The following GDPD1 variants were observed in gnomAD, a reference collection of about 807,000 sequenced individuals.
The protein encoded by GDPD1 is glycerophosphodiester phosphodiesterase domain containing 1.
Under a neutral mutation model 45.1 loss-of-function variants are expected in GDPD1, and 28 were observed. The ratio of observed to expected loss-of-function variants is 0.62; its 90% CI spans 0.46 to 0.85. The LOEUF is 0.85. Among genes scored for constraint, GDPD1 ranks in the 40% least tolerant of loss-of-function variants. The pLI is 0.00. For missense variants in GDPD1, 256 were observed against 364.8 expected (o/e 0.70, Z 2.43); for synonymous variants, 139 against 131.4 (o/e 1.06, Z -0.40).
chr17:59,273,521 G>T (rs1323119238), intron 9 of GDPD1, 130 bp from the exon 10 acceptor site: 3 of 460,362 alleles, frequency 6.5e-6, no homozygotes, highest in African/African-American at 2.0e-5. Context: ...AGGATCTAAT[G>T]ATTTATTTAA....
At chr17:59,222,578 C>A (rs1285679910) in intron 1 of GDPD1, among the ~76,000 whole-genome samples, 1 of 126,344 alleles carries the variant, frequency 7.9e-6, no homozygotes, top group Non-Finnish European at 1.6e-5. Flanking sequence ...GTAGTGGTGC[C>A]ATCTTGGCTC....
Position 59,269,767 on chromosome 17 carries a change from G to C in GDPD1, c.711-1169G>C, listed in dbSNP as rs866772302. Among the ~76,000 whole-genome samples the C allele has an allele frequency of 2.0e-4, 30 of 152,182 alleles. No individual in the cohort carries two copies. The Middle Eastern group carries it at 0.01, about 52-fold the overall frequency. On this transcript the variant is annotated intron_variant, in intron 7 of 9. Transcript: ENST00000284116. ...GAACCCAGAAGGTGGGGGTTGCAGT[G>C]AGCCGAGATAGCGCCATTGCACTCC...
chr17:59,260,395 A>C (rs1455875340), intron 6 of GDPD1, among the ~76,000 whole-genome samples: 4 of 151,840 alleles, frequency 2.6e-5, no homozygotes, highest in African/African-American at 4.8e-5. Context: ...TACAAAAATT[A>C]GCCGGGCATG....
rs995271111 is a variant in GDPD1, at chr17:59,275,165, T to C, written c.*1392T>C. ...CCAGTAAAAGAAATTTTGAAGGCCA[T>C]TGCAGCTATTTGGTAGTGTCTTGTT... On this transcript the variant is annotated 3_prime_UTR_variant, in exon 10 of 10. Transcript: ENST00000284116. 3 of 1,537,196 alleles carry C rather than the reference T, an allele frequency of 2.0e-6. No individual in the cohort carries two copies. Among genetic ancestry groups the C allele is most frequent in the Non-Finnish European group, 1.7e-6 (2 of 1,146,846 alleles).
At position 59,275,274 on chromosome 17, in the gene GDPD1, T is replaced by C. The variant is rs765556470; in HGVS notation, c.*1501T>C. On this transcript the variant is annotated 3_prime_UTR_variant, in exon 10 of 10. Coordinates refer to ENST00000284116, the MANE Select transcript of GDPD1 (RefSeq NM_182569.4). ...AGTGATGTGTAGTTATTTGGCAAGT[T>C]ATACATAATCAGCAGCAGCCAGGCT... is the stretch of plus-strand genomic sequence containing the variant. 2.5e-6 allele frequency: 3 copies of C among 1,217,496 alleles called. No individual in the cohort carries two copies. The highest frequency in any genetic ancestry group is 3.5e-6 in the Non-Finnish European group (3 of 861,106). The allele number at this position is 1,217,496 out of a possible 1,614,324, so 75.4% of individuals were successfully genotyped here.
intron 1 of GDPD1, 85 bp from the exon 2 acceptor site, chr17:59,234,407 A>T (rs2047115893): frequency 2.5e-6 from 2 of 814,134 alleles, no homozygotes; most frequent in Non-Finnish European, 4.0e-6. Context: ...AAAAAGGTCA[A>T]GATTCATTAG....
At chr17:59,228,997 GCTTCC>G (rs1486061075) in intron 1 of GDPD1, among the ~76,000 whole-genome samples, 1 of 151,646 alleles carries the variant, frequency 6.6e-6, no homozygotes, top group Non-Finnish European at 1.5e-5. Context: ...TACAGGTTAA[GCTTCC>G]CTAATCTGAA....
At chr17:59,252,829 G>A (rs7220857) in intron 4 of GDPD1, among the ~76,000 whole-genome samples, 41,808 of 151,824 alleles carry the variant, frequency 0.28, 6,468 homozygotes, top group African/African-American at 0.41. Context: ...GTGAAACCCC[G>A]TCTCTACTAA....
chr17:59,246,218 T>G (rs1180902739), intron 3 of GDPD1, among the ~76,000 whole-genome samples: 3 of 152,180 alleles, frequency 2.0e-5, no homozygotes, highest in Admixed American at 6.5e-5. Context: ...AAAACACTTA[T>G]GTTAACAGGA....
chr17:59,238,512 C>T (rs1453279002), intron 2 of GDPD1, among the ~76,000 whole-genome samples: 3 of 151,222 alleles, frequency 2.0e-5, no homozygotes, highest in South Asian at 2.1e-4. Flanking sequence ...CTCCCAGGTT[C>T]AAGCGATTCT....
At chr17:59,270,152 C>G (rs2047433600) in intron 7 of GDPD1, among the ~76,000 whole-genome samples, 1 of 151,496 alleles carries the variant, frequency 6.6e-6, no homozygotes, top group Admixed American at 6.6e-5. Context: ...GGACTTTCCA[C>G]TGGGGCCAGA....
At chr17:59,227,213 G>A (rs1222385842) in intron 1 of GDPD1, among the ~76,000 whole-genome samples, 2 of 151,770 alleles carry the variant, frequency 1.3e-5, no homozygotes, top group Non-Finnish European at 2.9e-5. Context: ...GAGGTCAGGA[G>A]TTTGAGACCA....
At chr17:59,264,673 T>C (rs1224717259) in intron 6 of GDPD1, among the ~76,000 whole-genome samples, 1 of 152,082 alleles carries the variant, frequency 6.6e-6, no homozygotes, top group Non-Finnish European at 1.5e-5. Context: ...AAACTCAAGA[T>C]TTTGCAGTGA....
intron 2 of GDPD1, among the ~76,000 whole-genome samples, chr17:59,242,244 G>A (rs1313040021): frequency 6.6e-6 from 1 of 152,134 alleles, no homozygotes; most frequent in East Asian, 1.9e-4. Context: ...TGTATTTTTA[G>A]TAGAGACAGG....
chr17:59,261,186 G>A (rs930570774), intron 6 of GDPD1, among the ~76,000 whole-genome samples: 5 of 151,976 alleles, frequency 3.3e-5, no homozygotes, highest in African/African-American at 1.2e-4. Flanking sequence ...GGCTGGTCTC[G>A]AACTCCTGAC....
At chr17:59,255,230 G>A (rs2147893731) in intron 4 of GDPD1, among the ~76,000 whole-genome samples, 1 of 152,078 alleles carries the variant, frequency 6.6e-6, no homozygotes, top group African/African-American at 2.4e-5. Flanking sequence ...AGGTTCAGAC[G>A]GAAGCAGAAC....
Position 59,264,084 on chromosome 17 carries a change from C to T in GDPD1, c.577-2957C>T, listed in dbSNP as rs565791607. 4.6e-5 allele frequency among the ~76,000 whole-genome samples: 7 copies of T among 152,270 alleles called. No homozygotes were observed. The South Asian group carries it at 1.0e-3, about 23-fold the overall frequency. On this transcript the variant is annotated intron_variant, in intron 6 of 9. Coordinates refer to ENST00000284116, the MANE Select transcript of GDPD1 (RefSeq NM_182569.4). The stretch of plus-strand genomic sequence containing the variant: ...TGCAATCTTGGCTCACCGCAACCTC[C>T]GCCTGCTGGGTTCAAGCAATTCTCC...
At chr17:59,240,155 G>T (rs1485233763) in intron 2 of GDPD1, among the ~76,000 whole-genome samples, 1 of 152,038 alleles carries the variant, frequency 6.6e-6, no homozygotes, top group Non-Finnish European at 1.5e-5. Flanking sequence ...AGTTGGCGTG[G>T]TGATGCGCGC....
chr17:59,226,615 T>C (rs2047049063), intron 1 of GDPD1, among the ~76,000 whole-genome samples: 1 of 152,222 alleles, frequency 6.6e-6, no homozygotes, highest in Non-Finnish European at 1.5e-5. Context: ...TATGTTCAGA[T>C]GGTATTGTAT....
Sources: allele counts gnomAD v4.1 joint callset (sites outside exome capture counted in the v4.1 genomes callset), GRCh38; gene constraint gnomAD v4.1.1; transcripts MANE v1.5; gene names NCBI Gene and HGNC (gene_info 2026-07-23, HGNC 2026-07-21).